The following PAXBP1 variants were observed in gnomAD, a reference collection of about 807,000 sequenced individuals.
The protein encoded by PAXBP1 is PAX3- and PAX7-binding protein 1.
Under a neutral mutation model 119.9 loss-of-function variants are expected in PAXBP1, and 44 were observed. The ratio of observed to expected loss-of-function variants is 0.37; its 90% CI spans 0.29 to 0.47. PAXBP1 has a LOEUF of 0.47. Ranked by LOEUF, PAXBP1 falls within the 20% of genes least tolerant of loss-of-function variation. The pLI is 0.99. For synonymous variants in PAXBP1, 393 were observed against 406.6 expected, an observed-to-expected ratio of 0.97 and a Z score of 0.40; for missense variants, 898 against 1,134.1, an observed-to-expected ratio of 0.79 and a Z score of 2.99.
At chr21:32,735,779 AC>A (rs755533252) in intron 17 of PAXBP1, among the ~76,000 whole-genome samples, 5 of 152,230 alleles carry the variant, frequency 3.3e-5, no homozygotes, top group Non-Finnish European at 5.9e-5. Context: ...TTTAAGAATG[AC>A]TGTTTTAACA....
chr21:32,769,083 A>G (rs2044290172), intron 2 of PAXBP1, among the ~76,000 whole-genome samples: 1 of 152,224 alleles, frequency 6.6e-6, no homozygotes, highest in Admixed American at 6.5e-5. Context: ...TCTAGATTGT[A>G]AATTTGAGAT....
intron 7 of PAXBP1, among the ~76,000 whole-genome samples, chr21:32,757,332 A>G (rs2044893681): frequency 9.6e-6 from 1 of 104,512 alleles, no homozygotes; most frequent in South Asian, 3.2e-4. Flanking sequence ...ATCTAAGCTG[A>G]GCAGTACTCT....
At chr21:32,761,964 A>C (rs2044155636) in intron 4 of PAXBP1, 132 bp downstream of exon 4, 1 of 891,694 alleles carries the variant, frequency 1.1e-6, no homozygotes, top group African/African-American at 1.7e-5. Context: ...GTTTGAGTCC[A>C]CGAGTCAAGA....
chr21:32,751,299 G>A (rs1207745918), intron 8 of PAXBP1, 81 bp from the exon 9 acceptor site: 3 of 1,276,856 alleles, frequency 2.3e-6, no homozygotes, highest in Non-Finnish European at 3.4e-6. Flanking sequence ...AAGCCATTAC[G>A]ACAGACTGCT....
intron 8 of PAXBP1, among the ~76,000 whole-genome samples, chr21:32,754,760 C>A (rs995311344): frequency 1.3e-5 from 2 of 152,166 alleles, no homozygotes; most frequent in African/African-American, 4.8e-5. Flanking sequence ...ACTCTCCTAT[C>A]TTGGAGTTGT....
intron 12 of PAXBP1, 56 bp downstream of exon 12, chr21:32,745,518 T>C (rs1040754828): frequency 5.0e-6 from 8 of 1,590,658 alleles, no homozygotes; most frequent in Middle Eastern, 1.7e-4. Flanking sequence ...CTCATAAAAA[T>C]AGATTTGAGA....
At chr21:32,764,630 G>A (rs2044209932) in intron 2 of PAXBP1, 106 bp from the exon 3 acceptor site, 1 of 836,868 alleles carries the variant, frequency 1.2e-6, no homozygotes. Context: ...TTAAAAAAAG[G>A]GGAACTTTTC....
At position 32,771,636 on chromosome 21, in the gene PAXBP1, G is replaced by A; in HGVS notation, c.33C>T (p.Arg11=). The A allele has an allele frequency of 6.9e-7, 1 of 1,451,044 alleles. No individual in the cohort carries two copies. The highest frequency in any genetic ancestry group is 9.1e-7 in the Non-Finnish European group (1 of 1,104,880). The allele number at this position is 1,451,044 out of a possible 1,614,324, so 89.9% of individuals were successfully genotyped here. A position where few individuals can be genotyped will look rare whatever the true frequency, so the allele number is the denominator to read the frequency against. The change falls in exon 1 of 18, where the codon CGC becomes CGT. Residue 11 remains arginine, a synonymous_variant. Coordinates refer to ENST00000331923, the MANE Select transcript of PAXBP1 (RefSeq NM_016631.4). MFRKARRVNV[R]KRNDSEEEER... is the part of the protein sequence containing the mutation. ...CTTCCTCTTCGGAGTCGTTCCGCTT[G>A]CGCACGTTCACCCGCCGGGCCTTTC...
At chr21:32,751,343 G>A (rs1371419485) in intron 8 of PAXBP1, 125 bp from the exon 9 acceptor site, 10 of 752,588 alleles carry the variant, frequency 1.3e-5, no homozygotes, top group Non-Finnish European at 2.1e-5. Flanking sequence ...TGCAATAACT[G>A]GTAAACCAGG....
chr21:32,761,379 A>G (rs911859885), intron 4 of PAXBP1, among the ~76,000 whole-genome samples: 5 of 152,240 alleles, frequency 3.3e-5, no homozygotes, highest in Admixed American at 6.5e-5. Context: ...AATAGTTAAA[A>G]TCTTGGATGT....
rs114260857 is a variant in PAXBP1 at position 32,764,942 on chromosome 21, C to A, written c.473-418G>T. Among the ~76,000 whole-genome samples the A allele has an allele frequency of 5.9e-3, 896 of 152,282 alleles. 8 individuals carry two copies. The highest frequency in any genetic ancestry group is 0.021 in the African/African-American group (853 of 41,552). On this transcript the variant is annotated intron_variant, in intron 2 of 17. Transcript: ENST00000331923. ...TATTTCATTAAACCCTAAGCCCATG[C>A]GAGGCAACTCTGTTATGAACAAAGC...
chr21:32,756,542 A>G (rs2044045293), intron 7 of PAXBP1: 1 of 346,976 alleles, frequency 2.9e-6, no homozygotes, highest in Admixed American at 4.7e-5. Context: ...ATGTCCCCAA[A>G]TCTGTAATGA....
chr21:32,737,783 C>T (rs1265499128), intron 16 of PAXBP1, among the ~76,000 whole-genome samples: 1 of 152,164 alleles, frequency 6.6e-6, no homozygotes, highest in African/African-American at 2.4e-5. Context: ...AATGAAATTA[C>T]AGCACCCCCA....
chr21:32,768,919 G>A (rs771867910), intron 2 of PAXBP1, among the ~76,000 whole-genome samples: 5 of 152,006 alleles, frequency 3.3e-5, no homozygotes, highest in East Asian at 1.9e-4. Context: ...CTTCCCTTTC[G>A]GAATTTTAAC....
chr21:32,751,825 T>C (rs1473745858), intron 8 of PAXBP1: 1 of 152,272 alleles, frequency 6.6e-6, no homozygotes, highest in East Asian at 1.9e-4. Context: ...TTTATTTTTT[T>C]GGTCTTCGTA....
chr21:32,752,676 G>C (rs774162658), intron 8 of PAXBP1, among the ~76,000 whole-genome samples: 6 of 152,118 alleles, frequency 3.9e-5, no homozygotes, highest in Non-Finnish European at 8.8e-5. Flanking sequence ...TCTTGCTCTT[G>C]TCGCCCAGAA....
intron 5 of PAXBP1, 121 bp from the exon 6 acceptor site, chr21:32,760,115 A>T: frequency 1.4e-6 from 1 of 707,800 alleles, no homozygotes; most frequent in East Asian, 2.8e-5. Flanking sequence ...ATTATGTAAT[A>T]ATTGCAGAAT....
chr21:32,755,494 G>A, intron 7 of PAXBP1, 141 bp from the exon 8 acceptor site: 1 of 1,063,248 alleles, frequency 9.4e-7, no homozygotes, highest in Non-Finnish European at 1.3e-6. Context: ...CACACAAGTA[G>A]CAAATTCTGT....
rs760246998 is a variant in PAXBP1, at chr21:32,737,286, G to A, written c.2604C>T (p.Ile868=). 4 of 1,567,880 alleles carry A rather than the reference G, an allele frequency of 2.6e-6. No homozygotes were observed. Among genetic ancestry groups the A allele is most frequent in the African/African-American group, 2.7e-5 (2 of 73,174 alleles). The change falls in exon 17 of 18, where the codon ATC becomes ATT. Residue 868 remains isoleucine, a synonymous_variant. Coordinates refer to ENST00000331923, the MANE Select transcript of PAXBP1 (RefSeq NM_016631.4). ...TTCTTTTTTCCACATCAGAACACCC[G>A]ATACTATTTCTATAAATTGTATCCG... The part of the protein sequence containing the change: ...HLADTIYRNS[I]GCSDVEKRNA...
Sources: gnomAD v4.1 joint callset for allele counts (sites outside exome capture counted in the v4.1 genomes callset) on GRCh38, gnomAD v4.1.1 for gene constraint, MANE v1.5 for transcripts, NCBI Gene and HGNC (gene_info 2026-07-23, HGNC 2026-07-21) for gene names.